The following MTA2 variants were observed in gnomAD, a reference collection of about 807,000 sequenced individuals.
MTA2 encodes metastasis-associated protein MTA2.
Under a neutral mutation model 87.1 loss-of-function variants are expected in MTA2, and 22 were observed. That is an observed-to-expected ratio of 0.25 (90% CI 0.18 to 0.36). The LOEUF is 0.36. MTA2 is among the 10% of genes least tolerant of loss of function. MTA2 has a pLI of 1.00. For missense variants in MTA2, 542 were observed against 853.2 expected, an observed-to-expected ratio of 0.64 and a Z score of 4.54; for synonymous variants, 314 against 310.1, an observed-to-expected ratio of 1.01 and a Z score of -0.13.
rs1243027088 is a variant in MTA2, at chr11:62,595,726, CT to C, written c.1254+25del. 3 of 1,612,854 alleles carry C rather than the reference CT, an allele frequency of 1.9e-6. No individual in the cohort carries two copies. The African/African-American group carries it at 4.0e-5, about 22-fold the overall frequency. The stretch of plus-strand genomic sequence containing the variant: ...CCATCAATATGCTTACTGCTCTCCC[CT>C]GCTTTTCTTCCCACTGATCCTTACC... On this transcript the variant is annotated intron_variant, in intron 13 of 17. Transcript: ENST00000278823. This position sits in a 1 kb window ranked among gnomAD's most constrained non-coding sequence, Gnocchi z 4.9.
At position 62,595,277 on chromosome 11, in the gene MTA2, G is replaced by A; in HGVS notation, c.1470C>T (p.Ala490=). 1 of 1,614,156 alleles carries A rather than the reference G, an allele frequency of 6.2e-7. No homozygotes were observed. The highest frequency in any genetic ancestry group is 8.5e-7 in the Non-Finnish European group (1 of 1,180,006). The change falls in exon 14 of 18, where the codon GCC becomes GCT. Residue 490 remains alanine, a synonymous_variant. Transcript: ENST00000278823. This position sits in a 1 kb window ranked among gnomAD's most constrained non-coding sequence, Gnocchi z 4.9. ...CCCTGCCCTTACACTCTGCTTTGAT[G>A]GCATTGGCATTGATAGGAGCATAAG... ...RRPYAPINAN[A]IKAECSIRLP... is the part of the protein sequence containing the mutation.
chr11:62,601,281 G>A (rs901146031), intron 1 of MTA2, 142 bp downstream of exon 1: 3 of 1,066,614 alleles, frequency 2.8e-6, no homozygotes, highest in Non-Finnish European at 4.1e-6. Context: ...CTCTCTCCTC[G>A]TCTCCCGGTT....
intron 1 of MTA2, 47 bp downstream of exon 1, chr11:62,601,376 C>G: frequency 6.2e-7 from 1 of 1,604,140 alleles, no homozygotes; most frequent in Non-Finnish European, 8.5e-7. Flanking sequence ...GGTCCCTACC[C>G]CAACCTCTCC....
rs751842393 is a variant in MTA2, at chr11:62,597,300, A to G, written c.693+16T>C. ...GAAAACCCAGCCTGCCCAACTACCCACCAACTTCTGCTCACCAGAGTGATA... is the reference window on the plus strand; with the variant it reads ...GAAAACCCAGCCTGCCCAACTACCCGCCAACTTCTGCTCACCAGAGTGATA... On this transcript the variant is annotated intron_variant, in intron 8 of 17. Transcript: ENST00000278823. 20 of 1,582,026 alleles carry G rather than the reference A, an allele frequency of 1.3e-5. No homozygotes were observed. Among genetic ancestry groups the G allele is most frequent in the Non-Finnish European group, 1.6e-5 (19 of 1,167,440 alleles).
Position 62,596,471 on chromosome 11 carries a change from C to T in MTA2, c.944G>A (p.Arg315Gln), listed in dbSNP as rs1307952181. 3 of 1,613,856 alleles carry T rather than the reference C, an allele frequency of 1.9e-6. No individual in the cohort carries two copies. Among genetic ancestry groups the T allele is most frequent in the Non-Finnish European group, 2.5e-6 (3 of 1,179,950 alleles). Residue 315 changes from arginine to glutamine, a missense_variant, in exon 10 of 18, where the codon CGG becomes CAG. Transcript: ENST00000278823. ...CCCAGATAATACCTGCTGAATATACCGGTCTGTGGTTTTCCACATGTAATA... is the reference window on the plus strand; with the variant it reads ...CCCAGATAATACCTGCTGAATATACTGGTCTGTGGTTTTCCACATGTAATA... ...QFYYMWKTTD[R>Q]YIQQKRLKAA...
In MTA2 at chr11:62,601,191, G is replaced by A. The variant is rs1276666586; in HGVS notation, c.28+232C>T. The A allele has an allele frequency of 2.3e-5, 13 of 562,632 alleles. No homozygotes were observed. The East Asian group carries it at 3.7e-4, about 16-fold the overall frequency. The allele number at this position is 562,632 out of a possible 1,614,324, so 34.9% of individuals were successfully genotyped here. A position where few individuals can be genotyped will look rare whatever the true frequency, so the allele number is the denominator to read the frequency against. The stretch of plus-strand genomic sequence containing the variant: ...CGTGCCCCGGGGAGCCCCTGACGCA[G>A]CCCCGAAAGTGCCGTCGGGGCTGCC... On this transcript the variant is annotated intron_variant, in intron 1 of 17. Transcript: ENST00000278823.
chr11:62,598,199 G>A, intron 5 of MTA2, 58 bp from the exon 6 acceptor site: 1 of 1,574,564 alleles, frequency 6.4e-7, no homozygotes, highest in Non-Finnish European at 8.7e-7. Flanking sequence ...CGGCGGGGAG[G>A]GAGGTGTATC....
At chr11:62,600,395 A>C in intron 2 of MTA2, 136 bp from the exon 3 acceptor site, 1 of 831,494 alleles carries the variant, frequency 1.2e-6, no homozygotes, top group East Asian at 2.6e-5. Flanking sequence ...AAATATGAGT[A>C]AAGACTTACA....
chr11:62,593,949 C>G lies in MTA2; in HGVS notation c.1933G>C (p.Val645Leu), dbSNP rs1942060522. 6.2e-7 allele frequency: 1 copy of G among 1,614,188 alleles called. No individual in the cohort carries two copies. Among genetic ancestry groups the G allele is most frequent in the Non-Finnish European group, 8.5e-7 (1 of 1,180,024 alleles). ...GCAGGTAGAGGGACAGGGGGCCGCACTGCAATCAGCGTTGGCTTCACCTTC... is the reference window on the plus strand; with the variant it reads ...GCAGGTAGAGGGACAGGGGGCCGCAGTGCAATCAGCGTTGGCTTCACCTTC... ...PLKVKPTLIA[V>L]RPPVPLPAPS... The change falls in exon 18 of 18, where the codon GTG (valine) becomes CTG (leucine). Residue 645 changes from valine (V) to leucine (L), a missense_variant. By Grantham distance (32) the Val-to-Leu change is conservative (BLOSUM62 1). Transcript: ENST00000278823.
chr11:62,594,436 G>A (rs1942068452), intron 16 of MTA2, 29 bp from the exon 17 acceptor site: 2 of 1,613,968 alleles, frequency 1.2e-6, no homozygotes, highest in Non-Finnish European at 1.7e-6. Flanking sequence ...GGCACAATGA[G>A]GGAAGGGACC....
chr11:62,601,739 A>C lies in MTA2; in HGVS notation c.-289T>G. 5 of 502,468 alleles carry C rather than the reference A, an allele frequency of 1.0e-5. No homozygotes were observed. Among genetic ancestry groups the C allele is most frequent in the South Asian group, 6.0e-5 (2 of 33,270 alleles). 31.1% of individuals were successfully genotyped at this position (502,468 alleles called of 1,614,324 possible). Reference sequence around the variant, plus strand: ...GCCAGGCCAGAGCCAGGCTCCAGCTACCCCCGCCCCCGCGGAGTCCCACTA... The same window carrying C: ...GCCAGGCCAGAGCCAGGCTCCAGCTCCCCCCGCCCCCGCGGAGTCCCACTA... On this transcript the variant is annotated 5_prime_UTR_variant, in exon 1 of 18. Coordinates refer to ENST00000278823, the MANE Select transcript of MTA2 (RefSeq NM_004739.4).
At chr11:62,601,313 G>T in intron 1 of MTA2, 110 bp downstream of exon 1, 1 of 1,370,306 alleles carries the variant, frequency 7.3e-7, no homozygotes, top group Non-Finnish European at 1.0e-6. Context: ...CCGCGCTCCG[G>T]TCCACGCTGC....
At chr11:62,594,704 T>C in intron 15 of MTA2, 70 bp from the exon 16 acceptor site, 2 of 1,415,636 alleles carry the variant, frequency 1.4e-6, no homozygotes, top group East Asian at 4.6e-5. Flanking sequence ...TCCATCTCTC[T>C]TCCCTGGACC....
At position 62,595,828 on chromosome 11, in the gene MTA2, G is replaced by A; in HGVS notation, c.1178C>T (p.Ser393Phe). 6.2e-7 allele frequency: 1 copy of A among 1,614,218 alleles called. No homozygotes were observed. The highest frequency in any genetic ancestry group is 8.5e-7 in the Non-Finnish European group (1 of 1,180,056). The change falls in exon 13 of 18, where the codon TCC becomes TTC. Residue 393 changes from serine to phenylalanine, a missense_variant. By Grantham distance (155) the Ser-to-Phe change is radical. Transcript: ENST00000278823. This position sits in a 1 kb window ranked among gnomAD's most constrained non-coding sequence, Gnocchi z 4.9. ...PPNMQCRLCA[S>F]CWIYWKKYGG... ...ATACTTCTTCCAGTAGATCCAACAGGAAGCACAGAGGCGGCACTGCATGTT... is the reference window on the plus strand; with the variant it reads ...ATACTTCTTCCAGTAGATCCAACAGAAAGCACAGAGGCGGCACTGCATGTT...
intron 15 of MTA2, 152 bp downstream of exon 15, chr11:62,594,829 G>C (rs1942075975): frequency 1.1e-6 from 1 of 877,496 alleles, no homozygotes; most frequent in African/African-American, 1.7e-5. Context: ...ATACTGAATA[G>C]TTTACAAAAA....
In MTA2 at chr11:62,594,397, G is replaced by A. The variant is rs1237819932; in HGVS notation, c.1703C>T (p.Ala568Val). 1 of 1,614,114 alleles carries A rather than the reference G, an allele frequency of 6.2e-7. No individual in the cohort carries two copies. Among genetic ancestry groups the A allele is most frequent in the South Asian group, 1.1e-5 (1 of 91,082 alleles). ...VKRAYETMAG[A>V]GVPFSANGRP... ...TCCATTGGCAGAGAAAGGAACCCCT[G>A]CCCCTGCCATCTGGAAAAGGGGTAG... Residue 568 changes from alanine (A) to valine (V), a missense_variant, in exon 17 of 18, where the codon GCA (alanine) becomes GTA (valine). Coordinates refer to ENST00000278823, the MANE Select transcript of MTA2 (RefSeq NM_004739.4).
intron 8 of MTA2, 115 bp from the exon 9 acceptor site, chr11:62,596,940 A>AAAGTGCTGGGATTAT: frequency 1.9e-6 from 2 of 1,045,206 alleles, no homozygotes; most frequent in Non-Finnish European, 2.7e-6. Context: ...CCATAATCCC[A>AAAGTGCTGGGATTAT]GCACTTTGGG....
chr11:62,596,781 A>G lies in MTA2; in HGVS notation c.738T>C (p.Ala246=), dbSNP rs746037835. 2.5e-5 allele frequency: 41 copies of G among 1,613,390 alleles called. No individual in the cohort carries two copies. The highest frequency in any genetic ancestry group is 5.0e-5 in the Admixed American group (3 of 59,842). ...GGGGTACCAGGGTCGACATGGCCTT[A>G]GCCAGGTCGTAGCCGTTCCTTTGCA... ...DTLQRNGYDL[A]KAMSTLVPQG... The change falls in exon 9 of 18, where the codon GCT becomes GCC. Residue 246 remains alanine (A), a synonymous_variant. Coordinates refer to ENST00000278823, the MANE Select transcript of MTA2 (RefSeq NM_004739.4).
intron 1 of MTA2, 104 bp from the exon 2 acceptor site, chr11:62,600,793 T>C: frequency 3.1e-6 from 3 of 959,302 alleles, no homozygotes; most frequent in Non-Finnish European, 3.2e-6. Context: ...CAAAAGGAGA[T>C]AAGGATTCAG....
Sources: allele counts gnomAD v4.1 joint callset, GRCh38; gene constraint gnomAD v4.1.1; non-coding constraint Gnocchi (gnomAD v3.1); transcripts MANE v1.5; gene names NCBI Gene and HGNC (gene_info 2026-07-23, HGNC 2026-07-21).